The following NTN4 variants were observed in gnomAD, a reference collection of about 807,000 sequenced individuals.
The protein encoded by NTN4 is netrin-4.
Under a neutral mutation model 73.6 loss-of-function variants are expected in NTN4, and 32 were observed. The observed-to-expected ratio is 0.44, with a 90% CI of 0.33 to 0.58. NTN4 has a LOEUF of 0.58. Ranked by LOEUF, NTN4 falls within the 20% of genes least tolerant of loss-of-function variation. The pLI, the probability that NTN4 is intolerant of heterozygous loss-of-function variation, is 0.04. For missense variants in NTN4, 654 were observed against 798.3 expected, an observed-to-expected ratio of 0.82 and a Z score of 2.18; for synonymous variants, 258 against 287.5, an observed-to-expected ratio of 0.90 and a Z score of 1.04.
chr12:95,721,249 T>C (rs1326469588), intron 3 of NTN4, among the ~76,000 whole-genome samples: 1 of 152,192 alleles, frequency 6.6e-6, no homozygotes, highest in African/African-American at 2.4e-5. Flanking sequence ...GGGTTTGGAC[T>C]CATGGTGAGC....
Position 95,790,353 on chromosome 12 carries a change from G to A in NTN4, c.-44C>T, listed in dbSNP as rs954085511. The stretch of plus-strand genomic sequence containing the variant: ...GCAGCCGGGCCGGGCGGGTGCCGGA[G>A]GGAGCCGAGACCTCTGGGCTGCGGG... On this transcript the variant is annotated 5_prime_UTR_variant, in exon 1 of 10. Transcript: ENST00000343702. The surrounding 1 kb of genome is among the most constrained non-coding windows in gnomAD (Gnocchi z 6.5). 6.7e-7 allele frequency: 1 copy of A among 1,498,970 alleles called. No homozygotes were observed. The highest frequency in any genetic ancestry group is 2.1e-5 in the Admixed American group (1 of 48,004). 92.9% of individuals were successfully genotyped at this position (1,498,970 alleles called of 1,614,324 possible).
chr12:95,756,777 G>A (rs141447916), intron 2 of NTN4, among the ~76,000 whole-genome samples: 6 of 151,164 alleles, frequency 4.0e-5, no homozygotes, highest in East Asian at 1.9e-4. Context: ...CAGCCATACC[G>A]AGAACCCCTT....
Position 95,713,222 on chromosome 12 carries a change from G to A in NTN4, c.981C>T (p.Asn327=), listed in dbSNP as rs374055562. The change falls in exon 4 of 10, where the codon AAC becomes AAT. Residue 327 remains asparagine, a synonymous_variant. Transcript: ENST00000343702. ...EAADGKTGAP[N]ECRTCKCNGH... ...GGGCTTGTTACTTACTTCTGCACTC[G>A]TTGGGAGCCCCCGTTTTGCCATCAG... 24 of 1,613,120 alleles carry A rather than the reference G, an allele frequency of 1.5e-5. No homozygotes were observed. The highest frequency in any genetic ancestry group is 1.7e-5 in the Admixed American group (1 of 59,966).
At chr12:95,777,321 T>C (rs1257233045) in intron 2 of NTN4, among the ~76,000 whole-genome samples, 1 of 152,148 alleles carries the variant, frequency 6.6e-6, no homozygotes, top group Non-Finnish European at 1.5e-5. Flanking sequence ...ATATTAACCT[T>C]AAATGTAAAT....
At chr12:95,675,283 T>G (rs1565880023) in intron 7 of NTN4, among the ~76,000 whole-genome samples, 1 of 152,176 alleles carries the variant, frequency 6.6e-6, no homozygotes, top group Non-Finnish European at 1.5e-5. Flanking sequence ...ATGATACAGA[T>G]GGGCAAATAA....
chr12:95,787,192 T>C lies in NTN4; in HGVS notation c.332A>G (p.Asp111Gly). The C allele has an allele frequency of 6.2e-7, 1 of 1,614,168 alleles. No individual in the cohort carries two copies. The change falls in exon 2 of 10, where the codon GAT becomes GGT. Residue 111 changes from aspartate to glycine, a missense_variant. Transcript: ENST00000343702. ...FPRTWWQSAE[D>G]VHREKIQLDL... ...TAACTGGATCTTTTCTCTGTGCACATCCTCCGCAGACTGCCACCATGTGCG... is the reference window on the plus strand; with the variant it reads ...TAACTGGATCTTTTCTCTGTGCACACCCTCCGCAGACTGCCACCATGTGCG...
At chr12:95,726,975 A>AG (rs966795551) in intron 3 of NTN4, among the ~76,000 whole-genome samples, 4 of 152,000 alleles carry the variant, frequency 2.6e-5, no homozygotes, top group African/African-American at 2.4e-5. Context: ...GTCTCAAAAA[A>AG]AAAAAATTTT....
At position 95,786,931 on chromosome 12, in the gene NTN4, GC is replaced by G. The variant is rs776696793; in HGVS notation, c.585+7del. The G allele has an allele frequency of 2.5e-6, 4 of 1,611,094 alleles. No individual in the cohort carries two copies. The highest frequency in any genetic ancestry group is 3.4e-6 in the Non-Finnish European group (4 of 1,177,636). On this transcript the variant is annotated splice_region_variant and intron_variant, in intron 2 of 9. Coordinates refer to ENST00000343702, the MANE Select transcript of NTN4 (RefSeq NM_021229.4). The stretch of plus-strand genomic sequence containing the variant: ...ACTTACAGTGTAGAGTTAAACAGGT[GC>G]CCTTACCTCTCCTCCAGTGCATGGA...
intron 7 of NTN4, among the ~76,000 whole-genome samples, chr12:95,677,454 G>A (rs1283030256): frequency 6.6e-6 from 1 of 152,022 alleles, no homozygotes; most frequent in Non-Finnish European, 1.5e-5. Context: ...AAACGTAGTG[G>A]GTAAGGGGAC....
intron 5 of NTN4, among the ~76,000 whole-genome samples, chr12:95,687,107 C>G (rs4762238): frequency 0.32 from 48,734 of 152,082 alleles, 7,767 homozygotes; most frequent in Middle Eastern, 0.38. Context: ...TCCCTCCAGA[C>G]AGTTAGCCAC....
intron 7 of NTN4, among the ~76,000 whole-genome samples, chr12:95,677,671 C>T (rs2078283243): frequency 6.6e-6 from 1 of 152,086 alleles, no homozygotes; most frequent in Non-Finnish European, 1.5e-5. Flanking sequence ...ATAATAATTG[C>T]CATTCTGACA....
rs762139839 is a variant in NTN4, at chr12:95,696,751, C to T, written c.1181-13040G>A. Among the ~76,000 whole-genome samples, 11 of 152,286 alleles carry T rather than the reference C, an allele frequency of 7.2e-5. No homozygotes were observed. The South Asian group carries it at 1.7e-3, about 23-fold the overall frequency. On this transcript the variant is annotated intron_variant, in intron 5 of 9. Coordinates refer to ENST00000343702, the MANE Select transcript of NTN4 (RefSeq NM_021229.4). ...ACTGGATACTAGAAACAGAAAACCA[C>T]CCCAACAAATCTATGGTAAACTCAA...
chr12:95,694,946 G>A (rs558016579), intron 5 of NTN4, among the ~76,000 whole-genome samples: 1 of 152,114 alleles, frequency 6.6e-6, no homozygotes, highest in Non-Finnish European at 1.5e-5. Context: ...TGGTCATCAT[G>A]GTGAAACCCC....
At chr12:95,733,369 A>G (rs1388609977) in intron 3 of NTN4, among the ~76,000 whole-genome samples, 1 of 152,238 alleles carries the variant, frequency 6.6e-6, no homozygotes, top group Non-Finnish European at 1.5e-5. Context: ...CATGTCAAAC[A>G]GCACATAAGC....
intron 2 of NTN4, among the ~76,000 whole-genome samples, chr12:95,767,305 T>G (rs1198853416): frequency 8.5e-5 from 13 of 152,186 alleles, no homozygotes; most frequent in Admixed American, 8.5e-4. Flanking sequence ...CCAATCAGAC[T>G]AACTCCTTAA....
At chr12:95,775,865 G>A (rs2079088217) in intron 2 of NTN4, among the ~76,000 whole-genome samples, 2 of 152,210 alleles carry the variant, frequency 1.3e-5, no homozygotes, top group South Asian at 4.1e-4. Context: ...TGAGATCTGA[G>A]AATGGACAGC....
intron 2 of NTN4, among the ~76,000 whole-genome samples, chr12:95,759,483 G>A (rs2078969623): frequency 7.2e-6 from 1 of 138,236 alleles, no homozygotes; most frequent in Admixed American, 7.0e-5. Context: ...GTCCCTAGTA[G>A]TATTTTTGTT....
intron 7 of NTN4, chr12:95,672,610 A>T (rs2078241837): frequency 6.6e-7 from 1 of 1,524,754 alleles, no homozygotes; most frequent in Non-Finnish European, 9.0e-7. Flanking sequence ...GTAAAGCAGA[A>T]ACTGCTGCAA....
chr12:95,672,775 G>A (rs12814196), intron 7 of NTN4: 149,564 of 1,320,244 alleles, frequency 0.11, 9,743 homozygotes, highest in African/African-American at 0.21. Context: ...GAGTCTGAAG[G>A]ACACTATTGC....
Sources: allele counts gnomAD v4.1 joint callset (sites outside exome capture counted in the v4.1 genomes callset), GRCh38; gene constraint gnomAD v4.1.1; non-coding constraint Gnocchi (gnomAD v3.1); transcripts MANE v1.5; gene names NCBI Gene and HGNC (gene_info 2026-07-23, HGNC 2026-07-21).